Variants in FBXO39 observed in about 807,000 individuals in gnomAD.
FBXO39 encodes F-box only protein 39.
A neutral mutation model predicts 36.6 loss-of-function variants in FBXO39; 22 were observed. That is an observed-to-expected ratio of 0.60 (90% CI 0.43 to 0.86). The LOEUF (loss-of-function observed/expected upper bound fraction) is 0.86, where lower values mean the gene tolerates loss of function less well. Among genes scored for constraint, FBXO39 ranks in the 40% least tolerant of loss-of-function variants. The pLI, the probability that FBXO39 is intolerant of heterozygous loss-of-function variation, is 0.00. For synonymous variants in FBXO39, 206 were observed against 205.8 expected, an observed-to-expected ratio of 1.00 and a Z score of -0.01; for missense variants, 536 against 543.9, an observed-to-expected ratio of 0.99 and a Z score of 0.14.
intron 2 of FBXO39, among the ~76,000 whole-genome samples, chr17:6,784,953 G>GTGTGTATATATATA (rs1302291142): frequency 8.8e-6 from 1 of 113,830 alleles, no homozygotes; most frequent in African/African-American, 3.7e-5. Context: ...GTGTGTGTGT[G>GTGTGTATATATATA]TATATATATA....
intron 3 of FBXO39, 46 bp from the exon 4 acceptor site, chr17:6,787,254 G>GCGCGCA (rs1976586006): frequency 3.2e-6 from 5 of 1,562,010 alleles, no homozygotes; most frequent in East Asian, 2.3e-5. Flanking sequence ...GTGTGTGTGT[G>GCGCGCA]CGTGTGTGCG....
Position 6,787,403 on chromosome 17 carries a change from T to C in FBXO39, c.1304T>C (p.Phe435Ser), listed in dbSNP as rs779900966. ...CTGATCGAATCAGAGCTTAGCTATT[T>C]TGTCATCGTTTACTCTGTGATGTAA... ...RKLIESELSY[F>S]VIVYSVM The change falls in exon 4 of 4, where the codon TTT (phenylalanine) becomes TCT (serine). Residue 435 changes from phenylalanine (F) to serine (S), a missense_variant. Coordinates refer to ENST00000321535, the MANE Select transcript of FBXO39 (RefSeq NM_153230.3). 3.7e-6 allele frequency: 6 copies of C among 1,614,070 alleles called. No homozygotes were observed. The highest frequency in any genetic ancestry group is 5.1e-6 in the Non-Finnish European group (6 of 1,179,950).
In FBXO39 at chr17:6,780,618, C is replaced by T. The variant is rs144381107; in HGVS notation, c.750C>T (p.Thr250=). ...LLENLCENAS[T]LRTINIKCHV... ...AGAACTTGTGTGAGAATGCCAGCAC[C>T]CTCCGGACCATCAACATCAAATGCC... The change falls in exon 2 of 4, where the codon ACC becomes ACT. Residue 250 remains threonine, a synonymous_variant. Transcript: ENST00000321535. The T allele has an allele frequency of 6.9e-5, 112 of 1,614,096 alleles. No homozygotes were observed. The African/African-American group carries it at 1.3e-3, about 19-fold the overall frequency.
At chr17:6,779,239 C>T (rs1220528883) in intron 1 of FBXO39, among the ~76,000 whole-genome samples, 3 of 152,198 alleles carry the variant, frequency 2.0e-5, no homozygotes, top group East Asian at 1.9e-4. Context: ...CTTCCCACTG[C>T]TCCCACGTGA....
At chr17:6,778,938 A>G (rs1209353851) in intron 1 of FBXO39, among the ~76,000 whole-genome samples, 1 of 152,068 alleles carries the variant, frequency 6.6e-6, no homozygotes, top group Admixed American at 6.5e-5. Context: ...GCTCTTGACC[A>G]TCCTTCCTCT....
intron 1 of FBXO39, among the ~76,000 whole-genome samples, chr17:6,779,527 A>G (rs1976476674): frequency 6.6e-6 from 1 of 152,174 alleles, no homozygotes; most frequent in African/African-American, 2.4e-5. Flanking sequence ...CAAACAGAGT[A>G]AGTCACCCTG....
rs953183599 is a variant in FBXO39 at position 6,784,981 on chromosome 17, T to C, written c.1024-1799T>C. On this transcript the variant is annotated intron_variant, in intron 2 of 3. Coordinates refer to ENST00000321535, the MANE Select transcript of FBXO39 (RefSeq NM_153230.3). ...TATATATATATGGAACCACAAAAGA[T>C]GCAGAATAGCTAAAGCTGTCCTGAC... 2.8e-5 allele frequency among the ~76,000 whole-genome samples: 4 copies of C among 144,988 alleles called. 1 individual carries two copies. Among genetic ancestry groups the C allele is most frequent in the Admixed American group, 2.0e-4 (3 of 14,850 alleles).
rs1426211952 is a variant in FBXO39, at chr17:6,780,460, C to G, written c.592C>G (p.Leu198Val). Residue 198 changes from leucine to valine, a missense_variant, in exon 2 of 4, where the codon CTC (leucine) becomes GTC (valine). Leu to Val is a conservative substitution (Grantham distance 32, BLOSUM62 1). Transcript: ENST00000321535. ...GAGGAATGAGAATGTGATCTCAGAG[C>G]TCAACATCGAGGACTATTTCAGCCA... Reference protein sequence around the residue: ...YMRNENVISELNIEDYFSHHL... With the variant: ...YMRNENVISEVNIEDYFSHHL... 2 of 1,614,122 alleles carry G rather than the reference C, an allele frequency of 1.2e-6. No individual in the cohort carries two copies. Among genetic ancestry groups the G allele is most frequent in the Admixed American group, 1.7e-5 (1 of 60,024 alleles).
At chr17:6,779,299 C>T (rs1174427148) in intron 1 of FBXO39, among the ~76,000 whole-genome samples, 1 of 152,136 alleles carries the variant, frequency 6.6e-6, no homozygotes, top group Non-Finnish European at 1.5e-5. Context: ...GCCAGGTGAC[C>T]AAACCATTTT....
rs781095249 is a variant in FBXO39, at chr17:6,786,982, C to T, written c.1200+26C>T. The T allele has an allele frequency of 1.9e-5, 31 of 1,597,894 alleles. No individual in the cohort carries two copies. The South Asian group carries it at 2.5e-4, about 13-fold the overall frequency. On this transcript the variant is annotated intron_variant, in intron 3 of 3. Coordinates refer to ENST00000321535, the MANE Select transcript of FBXO39 (RefSeq NM_153230.3). ...GTAAGAGGTCCCCAGGCTGGTTCCA[C>T]GGCGTAGAGTGGGGGCATCCAGGAA... is the stretch of plus-strand genomic sequence containing the variant.
At chr17:6,779,112 T>C (rs1293102447) in intron 1 of FBXO39, among the ~76,000 whole-genome samples, 1 of 152,072 alleles carries the variant, frequency 6.6e-6, no homozygotes, top group Non-Finnish European at 1.5e-5. Flanking sequence ...TGTAGCTAGA[T>C]ACAGGAAGGG....
rs151182580 is a variant in FBXO39 at position 6,786,690 on chromosome 17, C to A, written c.1024-90C>A. On this transcript the variant is annotated intron_variant, in intron 2 of 3. Transcript: ENST00000321535. The stretch of plus-strand genomic sequence containing the variant: ...CCCCAAATCATCATGGCTATCAGGC[C>A]CAGAGCCAGGTCGTGGAAATGTTAC... 525 of 1,143,676 alleles carry A rather than the reference C, an allele frequency of 4.6e-4. 4 individuals carry two copies. In the East Asian group the frequency reaches 0.012, roughly 25 times the overall value. 70.8% of individuals were successfully genotyped at this position (1,143,676 alleles called of 1,614,324 possible).
rs750714939 is a variant in FBXO39 at position 6,786,907 on chromosome 17, G to A, written c.1151G>A (p.Arg384Gln). 13 of 1,613,942 alleles carry A rather than the reference G, an allele frequency of 8.1e-6. No individual in the cohort carries two copies. The highest frequency in any genetic ancestry group is 2.7e-5 in the African/African-American group (2 of 74,928). The change falls in exon 3 of 4, where the codon CGG becomes CAG. Residue 384 changes from arginine to glutamine, a missense_variant. Coordinates refer to ENST00000321535, the MANE Select transcript of FBXO39 (RefSeq NM_153230.3). Reference protein sequence around the residue: ...WAFLDVSFVERILKSQKERQC... With the variant: ...WAFLDVSFVEQILKSQKERQC... ...TTCCTTGATGTTAGTTTTGTGGAGC[G>A]GATCCTGAAGAGTCAGAAAGAACGG...
At position 6,787,564 on chromosome 17, in the gene FBXO39, C is replaced by T. The variant is rs1047936910; in HGVS notation, c.*136C>T. ...CTTTTTTTTTTTGTCAGCTCCATGACAACATGACCAGCTCAGCAAAGGCTG... is the reference window on the plus strand; with the variant it reads ...CTTTTTTTTTTTGTCAGCTCCATGATAACATGACCAGCTCAGCAAAGGCTG... On this transcript the variant is annotated 3_prime_UTR_variant, in exon 4 of 4. Transcript: ENST00000321535. 112 of 971,156 alleles carry T rather than the reference C, an allele frequency of 1.2e-4. No homozygotes were observed. Among genetic ancestry groups the T allele is most frequent in the Non-Finnish European group, 1.6e-4 (109 of 663,728 alleles). 60.2% of individuals were successfully genotyped at this position (971,156 alleles called of 1,614,324 possible).
chr17:6,779,207 C>T (rs761238556), intron 1 of FBXO39, among the ~76,000 whole-genome samples: 6 of 152,166 alleles, frequency 3.9e-5, no homozygotes, highest in African/African-American at 7.2e-5. Context: ...TATCACATCA[C>T]GCAGGACCCC....
chr17:6,785,091 A>G (rs1369615337), intron 2 of FBXO39, among the ~76,000 whole-genome samples: 6 of 142,154 alleles, frequency 4.2e-5, no homozygotes, highest in Admixed American at 4.1e-4. Flanking sequence ...CATGAGACTG[A>G]CATAAAAACA....
At chr17:6,778,232 A>G (rs1020453814) in intron 1 of FBXO39, among the ~76,000 whole-genome samples, 2 of 152,242 alleles carry the variant, frequency 1.3e-5, no homozygotes, top group Admixed American at 6.5e-5. Flanking sequence ...AGACAAAAAG[A>G]CACACGTCAA....
In FBXO39 at chr17:6,780,590, T is replaced by C; in HGVS notation, c.722T>C (p.Leu241Pro). Reference sequence around the variant, plus strand: ...TACAACTGTATCTCCGACGAGCTGCTTGAGAACTTGTGTGAGAATGCCAGC... The same window carrying C: ...TACAACTGTATCTCCGACGAGCTGCCTGAGAACTTGTGTGAGAATGCCAGC... ...LNYNCISDEL[L>P]ENLCENASTL... is the part of the protein sequence containing the mutation. Residue 241 changes from leucine to proline, a missense_variant, in exon 2 of 4, where the codon CTT becomes CCT. Leu to Pro is a moderately conservative substitution (Grantham distance 98, BLOSUM62 -3). Coordinates refer to ENST00000321535, the MANE Select transcript of FBXO39 (RefSeq NM_153230.3). 6.2e-7 allele frequency: 1 copy of C among 1,614,064 alleles called. No homozygotes were observed. The highest frequency in any genetic ancestry group is 2.2e-5 in the East Asian group (1 of 44,858).
At chr17:6,782,620 T>C (rs975538308) in intron 2 of FBXO39, among the ~76,000 whole-genome samples, 2 of 151,404 alleles carry the variant, frequency 1.3e-5, no homozygotes, top group Non-Finnish European at 2.9e-5. Flanking sequence ...AGAGGAGGAG[T>C]AGCTATACTT....
Sources: allele counts gnomAD v4.1 joint callset (sites outside exome capture counted in the v4.1 genomes callset), GRCh38; gene constraint gnomAD v4.1.1; transcripts MANE v1.5; gene names NCBI Gene and HGNC (gene_info 2026-07-23, HGNC 2026-07-21).